Variants in TDRP observed in about 807,000 individuals in gnomAD.
The protein encoded by TDRP is testis development related protein.
In TDRP, 12 loss-of-function variants were observed where a neutral mutation model predicts 10.5. The observed-to-expected ratio is 1.15, with a 90% CI of 0.73 to 1.86. The LOEUF is 1.86. Ranked by LOEUF, TDRP falls within the 40% of genes most tolerant of loss-of-function variation. The pLI is 0.00. For synonymous variants in TDRP, 139 were observed against 95.4 expected (o/e 1.46, Z -2.67); for missense variants, 353 against 229.2 (o/e 1.54, Z -3.49).
Position 492,237 on chromosome 8 carries a change from AGT to A in TDRP, c.*160_*161del. The A allele has an allele frequency of 7.7e-7, 1 of 1,303,210 alleles. No individual in the cohort carries two copies. The highest frequency in any genetic ancestry group is 9.7e-7 in the Non-Finnish European group (1 of 1,029,684). The allele number at this position is 1,303,210 out of a possible 1,614,324, so 80.7% of individuals were successfully genotyped here. ...CTGCACGTGTTCACCAAGGAGTCAC[AGT>A]GTGTGTGAGAGTTCATTAAATAAAG... On this transcript the variant is annotated 3_prime_UTR_variant, in exon 3 of 3. Coordinates refer to ENST00000324079, the MANE Select transcript of TDRP (RefSeq NM_001384899.1).
intron 1 of TDRP, among the ~76,000 whole-genome samples, chr8:529,046 C>A (rs190908538): frequency 5.1e-4 from 77 of 152,282 alleles, no homozygotes; most frequent in Admixed American, 3.1e-3. Context: ...CTAGGCCAGT[C>A]TAGCCTTTTC....
At chr8:504,355 C>T (rs1039734047) in intron 1 of TDRP, among the ~76,000 whole-genome samples, 3 of 152,074 alleles carry the variant, frequency 2.0e-5, no homozygotes, top group African/African-American at 7.2e-5. Flanking sequence ...TTTCTTTTTC[C>T]CTGAGTTTTA....
chr8:526,745 A>G (rs1287542475), intron 1 of TDRP, among the ~76,000 whole-genome samples: 1 of 151,952 alleles, frequency 6.6e-6, no homozygotes, highest in Non-Finnish European at 1.5e-5. Context: ...CTTCTCCTCT[A>G]TTTTTCATAC....
At chr8:513,018 G>C (rs940818888) in intron 1 of TDRP, among the ~76,000 whole-genome samples, 23 of 150,660 alleles carry the variant, frequency 1.5e-4, no homozygotes, top group African/African-American at 5.6e-4. Flanking sequence ...TAATCAAAAG[G>C]CTACCCAAAA....
chr8:519,113 C>G (rs555162030), intron 1 of TDRP, among the ~76,000 whole-genome samples: 1 of 152,090 alleles, frequency 6.6e-6, no homozygotes, highest in Non-Finnish European at 1.5e-5. Flanking sequence ...CACCAATGGC[C>G]AAAGATTTAA....
At chr8:504,993 A>G (rs1006145421) in intron 1 of TDRP, among the ~76,000 whole-genome samples, 1 of 152,250 alleles carries the variant, frequency 6.6e-6, no homozygotes, top group African/African-American at 2.4e-5. Context: ...CGTTTTTAAC[A>G]AAGTATTTTG....
intron 1 of TDRP, among the ~76,000 whole-genome samples, chr8:504,083 A>G (rs1365872495): frequency 6.6e-6 from 1 of 152,102 alleles, no homozygotes; most frequent in Non-Finnish European, 1.5e-5. Context: ...AAGCACCAAC[A>G]CGGAATCCAG....
At chr8:536,177 A>G (rs1802344388) in intron 1 of TDRP, among the ~76,000 whole-genome samples, 1 of 152,176 alleles carries the variant, frequency 6.6e-6, no homozygotes, top group Non-Finnish European at 1.5e-5. Flanking sequence ...TCATCATTCT[A>G]CCCTTCAGTG....
chr8:509,323 C>G (rs1801548731), intron 1 of TDRP, among the ~76,000 whole-genome samples: 1 of 152,198 alleles, frequency 6.6e-6, no homozygotes, highest in African/African-American at 2.4e-5. Flanking sequence ...CCATACTGGC[C>G]CAGCAGAGGT....
In TDRP at chr8:492,180, T is replaced by C. The variant is rs1318279802; in HGVS notation, c.*219A>G. 8.7e-6 allele frequency: 11 copies of C among 1,260,818 alleles called. No individual in the cohort carries two copies. The highest frequency in any genetic ancestry group is 1.1e-5 in the Non-Finnish European group (11 of 1,006,076). 78.1% of individuals were successfully genotyped at this position (1,260,818 alleles called of 1,614,324 possible). On this transcript the variant is annotated 3_prime_UTR_variant, in exon 3 of 3. Coordinates refer to ENST00000324079, the MANE Select transcript of TDRP (RefSeq NM_001384899.1). ...CAAAACATGGACTGATAGGTGAATA[T>C]TTCTGCAATAAGGCAATCAAATGTA... is the stretch of plus-strand genomic sequence containing the variant.
intron 1 of TDRP, among the ~76,000 whole-genome samples, chr8:520,888 T>C (rs947807738): frequency 1.3e-5 from 2 of 152,180 alleles, no homozygotes; most frequent in Non-Finnish European, 2.9e-5. Flanking sequence ...TTCCAAACGT[T>C]GCATTTTTAC....
rs1263915532 is a variant in TDRP at position 490,703 on chromosome 8, A to C, written c.*1696T>G. On this transcript the variant is annotated 3_prime_UTR_variant, in exon 3 of 3. Transcript: ENST00000324079. Reference sequence around the variant, plus strand: ...TGACTATTTACCTGAGGAAACTTAGAATTTGTCAACTTAGCTGTTATACTA... The same window carrying C: ...TGACTATTTACCTGAGGAAACTTAGCATTTGTCAACTTAGCTGTTATACTA... The C allele has an allele frequency of 6.6e-6, 1 of 152,246 alleles. No homozygotes were observed. The highest frequency in any genetic ancestry group is 1.5e-5 in the Non-Finnish European group (1 of 68,054). 9.4% of individuals were successfully genotyped at this position (152,246 alleles called of 1,614,324 possible). A position where few individuals can be genotyped will look rare whatever the true frequency, so the allele number is the denominator to read the frequency against.
chr8:531,284 T>C (rs1802188784), intron 1 of TDRP, among the ~76,000 whole-genome samples: 1 of 152,200 alleles, frequency 6.6e-6, no homozygotes, highest in African/African-American at 2.4e-5. Context: ...GGACTGTATA[T>C]TGTTGTCAGT....
rs146015116 is a variant in TDRP, at chr8:493,072, A to G, written c.213-328T>C. 3.0e-3 allele frequency among the ~76,000 whole-genome samples: 463 copies of G among 152,344 alleles called. 4 individuals carry two copies. Among genetic ancestry groups the G allele is most frequent in the African/African-American group, 0.011 (445 of 41,574 alleles). On this transcript the variant is annotated intron_variant, in intron 2 of 2. Transcript: ENST00000324079. ...TCAAGATTTTGAGCAAATCAGATCT[A>G]TGAGAATCCAGGGTCTAGATTAAGA...
chr8:496,829 C>G (rs950417622), intron 1 of TDRP, among the ~76,000 whole-genome samples: 2 of 152,184 alleles, frequency 1.3e-5, no homozygotes, highest in African/African-American at 4.8e-5. Context: ...TCTTGGTGTT[C>G]TCATGAGATC....
chr8:494,638 A>T (rs752034609), intron 1 of TDRP, 41 bp from the exon 2 acceptor site: 1 of 1,553,448 alleles, frequency 6.4e-7, no homozygotes, highest in South Asian at 1.1e-5. Flanking sequence ...TGATGTCATG[A>T]ATCAACAGAA....
intron 1 of TDRP, among the ~76,000 whole-genome samples, 167 bp from the exon 2 acceptor site, chr8:494,764 T>C (rs751118337): frequency 6.6e-6 from 1 of 152,190 alleles, no homozygotes; most frequent in Non-Finnish European, 1.5e-5. Flanking sequence ...TAGCTACTAG[T>C]CATCTCAGCT....
rs763657898 is a variant in TDRP, at chr8:494,474, C to T, written c.212+20G>A. ...CTCCCTCTCCTGAAATGATCATTTT[C>T]TTACACAGTTATGACTTACCCTTTG... On this transcript the variant is annotated intron_variant, in intron 2 of 2. Transcript: ENST00000324079. The T allele has an allele frequency of 3.1e-6, 5 of 1,607,010 alleles. No individual in the cohort carries two copies. In the African/African-American group the frequency reaches 5.3e-5, roughly 17 times the overall value.
intron 1 of TDRP, among the ~76,000 whole-genome samples, chr8:505,068 C>T (rs1473143815): frequency 6.6e-6 from 1 of 152,150 alleles, no homozygotes; most frequent in Admixed American, 6.5e-5. Flanking sequence ...TACACATAAC[C>T]TTCAGATAAT....
Sources: gnomAD v4.1 joint callset for allele counts (sites outside exome capture counted in the v4.1 genomes callset) on GRCh38, gnomAD v4.1.1 for gene constraint, MANE v1.5 for transcripts, NCBI Gene and HGNC (gene_info 2026-07-23, HGNC 2026-07-21) for gene names.